CNTN1: variants seen among roughly 807,000 people sequenced by gnomAD.
CNTN1 encodes the protein contactin-1.
In CNTN1, 38 loss-of-function variants were observed where a neutral mutation model predicts 126.4. That is an observed-to-expected ratio of 0.30 (90% confidence interval 0.23 to 0.39). The LOEUF is 0.39. Among genes scored for constraint, CNTN1 ranks in the 10% least tolerant of loss-of-function variants. CNTN1 has a pLI of 1.00. For missense variants in CNTN1, 1,009 were observed against 1,248.4 expected, an observed-to-expected ratio of 0.81 and a Z score of 2.89; for synonymous variants, 413 against 422.6, an observed-to-expected ratio of 0.98 and a Z score of 0.28.
intron 1 of CNTN1, among the ~76,000 whole-genome samples, chr12:40,751,718 C>T (rs1938411337): frequency 6.6e-6 from 1 of 152,006 alleles, no homozygotes; most frequent in Non-Finnish European, 1.5e-5. Flanking sequence ...TGGTATCAGA[C>T]CCACAGCATT....
intron 4 of CNTN1, 31 bp from the exon 5 acceptor site, chr12:40,922,225 G>A (rs767642110): frequency 6.2e-7 from 1 of 1,606,148 alleles, no homozygotes; most frequent in South Asian, 1.1e-5. Context: ...CTCATGACCT[G>A]TGATATGACC....
intron 1 of CNTN1, among the ~76,000 whole-genome samples, chr12:40,830,936 CAT>C (rs10592424): frequency 0.12 from 7,660 of 65,910 alleles, 290 homozygotes; most frequent in Middle Eastern, 0.18. Flanking sequence ...TATACATATA[CAT>C]ATATATATAT....
chr12:40,844,782 T>C (rs867913394), intron 1 of CNTN1, among the ~76,000 whole-genome samples: 4 of 152,206 alleles, frequency 2.6e-5, no homozygotes, highest in Admixed American at 6.5e-5. Flanking sequence ...AAAAGTGTAA[T>C]AATAATTGAA....
At chr12:40,890,641 T>C (rs1274643970) in intron 1 of CNTN1, among the ~76,000 whole-genome samples, 1 of 152,168 alleles carries the variant, frequency 6.6e-6, no homozygotes, top group African/African-American at 2.4e-5. Context: ...CACTTAGTAA[T>C]ATGCATTTAA....
chr12:40,804,568 G>T (rs933231666), intron 1 of CNTN1, among the ~76,000 whole-genome samples: 2 of 151,968 alleles, frequency 1.3e-5, no homozygotes, highest in Admixed American at 6.6e-5. Context: ...TAACAGGATG[G>T]GTTGATGGAT....
chr12:40,882,879 T>C (rs12321296), intron 1 of CNTN1, among the ~76,000 whole-genome samples: 16,242 of 151,600 alleles, frequency 0.11, 1,091 homozygotes, highest in Admixed American at 0.18. Flanking sequence ...ATATGAAGCT[T>C]TGATTTTTAC....
intron 1 of CNTN1, among the ~76,000 whole-genome samples, chr12:40,705,889 G>A (rs1261452022): frequency 5.9e-5 from 9 of 151,902 alleles, no homozygotes; most frequent in Non-Finnish European, 1.3e-4. Context: ...GTGGCGGGGA[G>A]GTGCTGCATG....
intron 23 of CNTN1, among the ~76,000 whole-genome samples, chr12:41,041,840 A>G (rs965739470): frequency 2.0e-5 from 3 of 151,822 alleles, no homozygotes; most frequent in South Asian, 4.2e-4. Context: ...CGGTCTATCA[A>G]TTTTGTTGAT....
At chr12:41,045,706 A>G (rs1030306546) in intron 23 of CNTN1, among the ~76,000 whole-genome samples, 1 of 152,164 alleles carries the variant, frequency 6.6e-6, no homozygotes, top group African/African-American at 2.4e-5. Context: ...CTCTTGGTAG[A>G]TTCTTCACAG....
At chr12:40,871,186 GAAAAAAAAAAAAAAAA>G (rs201485882) in intron 1 of CNTN1, among the ~76,000 whole-genome samples, 2 of 113,510 alleles carry the variant, frequency 1.8e-5, no homozygotes, top group Non-Finnish European at 3.9e-5. Flanking sequence ...CTGTTACAGA[GAAAAAAAAAAAAAAAA>G]AAAAAAAAAA....
chr12:40,859,892 A>T (rs553812489), intron 1 of CNTN1, among the ~76,000 whole-genome samples: 1 of 152,278 alleles, frequency 6.6e-6, no homozygotes, highest in Admixed American at 6.5e-5. Flanking sequence ...TACTTTCAAC[A>T]TTTAAAACTG....
At chr12:40,904,049 C>T (rs1320445023) in intron 1 of CNTN1, among the ~76,000 whole-genome samples, 4 of 152,152 alleles carry the variant, frequency 2.6e-5, no homozygotes, top group Non-Finnish European at 4.4e-5. Context: ...GATGGAGTCT[C>T]GCTCTGTCGC....
intron 1 of CNTN1, among the ~76,000 whole-genome samples, chr12:40,827,522 T>G (rs1236496395): frequency 6.6e-6 from 1 of 152,176 alleles, no homozygotes; most frequent in Admixed American, 6.5e-5. Context: ...GTTCCAGAAA[T>G]GATAGCGAAA....
chr12:40,864,202 G>C (rs1434006209), intron 1 of CNTN1, among the ~76,000 whole-genome samples: 7 of 151,408 alleles, frequency 4.6e-5, no homozygotes, highest in South Asian at 2.1e-4. Context: ...ATTTTTAGTA[G>C]AGACAGGGGG....
intron 1 of CNTN1, among the ~76,000 whole-genome samples, chr12:40,805,408 G>C (rs1940812762): frequency 1.3e-5 from 2 of 151,768 alleles, no homozygotes; most frequent in African/African-American, 4.8e-5. Context: ...CTATCCTTAA[G>C]TTCATTGAAT....
chr12:40,930,664 T>TA lies in CNTN1; in HGVS notation c.703+663dup, dbSNP rs568142381. On this transcript the variant is annotated intron_variant, in intron 7 of 23. Transcript: ENST00000551295. Reference sequence around the variant, plus strand: ...ATTATTTCTATCCAAGTCCTTCTGCTACATTAATATCAGCAAATTCAAGCT... The same window carrying TA: ...ATTATTTCTATCCAAGTCCTTCTGCTAACATTAATATCAGCAAATTCAAGCT... 6.5e-3 allele frequency among the ~76,000 whole-genome samples: 987 copies of TA among 152,100 alleles called. 8 individuals are homozygous for TA. Among genetic ancestry groups the TA allele is most frequent in the Middle Eastern group, 0.048 (14 of 294 alleles).
chr12:41,017,014 A>C lies in CNTN1; in HGVS notation c.2419+98A>C. ...TTCCTTTCAGGCCTTACTTATTAAG[A>C]CCTTTTTATAGCATTATGCATTTAG... On this transcript the variant is annotated intron_variant, in intron 19 of 23. Coordinates refer to ENST00000551295, the MANE Select transcript of CNTN1 (RefSeq NM_001843.4). 4.3e-6 allele frequency: 4 copies of C among 922,780 alleles called. No individual in the cohort carries two copies. The South Asian group carries it at 5.5e-5, about 13-fold the overall frequency. 57.2% of individuals were successfully genotyped at this position (922,780 alleles called of 1,614,324 possible). A position where few individuals can be genotyped will look rare whatever the true frequency, so the allele number is the denominator to read the frequency against.
intron 1 of CNTN1, among the ~76,000 whole-genome samples, chr12:40,778,145 A>G (rs1372978961): frequency 1.3e-5 from 2 of 151,858 alleles, no homozygotes; most frequent in Admixed American, 6.6e-5. Context: ...CTGGAATCTA[A>G]TTGTACCTGA....
chr12:40,987,992 G>GA lies in CNTN1; in HGVS notation c.1964-5126dup, dbSNP rs77410219. Among the ~76,000 whole-genome samples, 4 of 149,694 alleles carry GA rather than the reference G, an allele frequency of 2.7e-5. No homozygotes were observed. The East Asian group carries it at 7.9e-4, about 29-fold the overall frequency. ...TTTTTGTAGTTCTCATTTCAAACAT[G>GA]AATTTCTAGATTTTTATGAGGCTAC... On this transcript the variant is annotated intron_variant, in intron 16 of 23. Coordinates refer to ENST00000551295, the MANE Select transcript of CNTN1 (RefSeq NM_001843.4).
Sources: gnomAD v4.1 joint callset for allele counts (sites outside exome capture counted in the v4.1 genomes callset) on GRCh38, gnomAD v4.1.1 for gene constraint, MANE v1.5 for transcripts, NCBI Gene and HGNC (gene_info 2026-07-23, HGNC 2026-07-21) for gene names.